The following WAC variants were observed in gnomAD, a reference collection of about 807,000 sequenced individuals.
The protein encoded by WAC is WW domain-containing adapter protein with coiled-coil.
WAC carries 11 observed loss-of-function variants against 79.6 expected under a neutral mutation model. That is an observed-to-expected ratio of 0.14 (90% confidence interval 0.09 to 0.23). The LOEUF (loss-of-function observed/expected upper bound fraction) is 0.23, where lower values mean the gene tolerates loss of function less well. WAC is among the 10% of genes least tolerant of loss of function. The pLI, the probability that WAC is intolerant of heterozygous loss-of-function variation, is 1.00. For missense variants in WAC, 728 were observed against 773.5 expected (o/e 0.94, Z 0.70); for synonymous variants, 304 against 276.9 (o/e 1.10, Z -0.97).
Position 28,617,743 on chromosome 10 carries a change from A to G in WAC, c.1833A>G (p.Leu611=). 1 of 1,597,526 alleles carries G rather than the reference A, an allele frequency of 6.3e-7. No homozygotes were observed. Among genetic ancestry groups the G allele is most frequent in the Non-Finnish European group, 8.5e-7 (1 of 1,175,074 alleles). ...CTGAATTAAAAAATTTAAGATCTTT[A>G]GTCCGAGTATGTGAAATTCAAGCAA... ...ICTELKNLRS[L]VRVCEIQATL... The change falls in exon 13 of 14, where the codon TTA becomes TTG. Residue 611 remains leucine, a synonymous_variant. Coordinates refer to ENST00000354911, the MANE Select transcript of WAC (RefSeq NM_016628.5).
intron 3 of WAC, among the ~76,000 whole-genome samples, chr10:28,548,531 C>A (rs945607361): frequency 6.6e-6 from 1 of 152,120 alleles, no homozygotes; most frequent in East Asian, 1.9e-4. Flanking sequence ...TCCACCTATT[C>A]CAAGTTTTAT....
At chr10:28,543,826 ATAAT>A (rs1421517518) in intron 3 of WAC, among the ~76,000 whole-genome samples, 1 of 152,184 alleles carries the variant, frequency 6.6e-6, no homozygotes, top group African/African-American at 2.4e-5. Flanking sequence ...ATGCCATAAA[ATAAT>A]TAGTATTCTG....
intron 8 of WAC, among the ~76,000 whole-genome samples, chr10:28,609,178 A>G (rs995105220): frequency 2.6e-5 from 4 of 152,230 alleles, no homozygotes; most frequent in African/African-American, 7.2e-5. Context: ...CCTGACCAAG[A>G]TGGTGAAACG....
intron 11 of WAC, 126 bp from the exon 12 acceptor site, chr10:28,616,042 TTAAAA>T: frequency 1.4e-6 from 1 of 730,598 alleles, no homozygotes; most frequent in East Asian, 2.9e-5. Context: ...TTATTTGACA[TTAAAA>T]TAACAAATTT....
intron 11 of WAC, 72 bp downstream of exon 11, chr10:28,614,757 T>A (rs904680880): frequency 8.1e-7 from 1 of 1,235,482 alleles, no homozygotes; most frequent in South Asian, 1.3e-5. Flanking sequence ...TTGAATATTA[T>A]ATCTGTAAAA....
chr10:28,606,957 T>C (rs1358981207), intron 7 of WAC, among the ~76,000 whole-genome samples: 3 of 152,166 alleles, frequency 2.0e-5, no homozygotes, highest in Non-Finnish European at 4.4e-5. Context: ...GACTTTAAAA[T>C]TTTTGCATTA....
rs1312258270 is a variant in WAC at position 28,596,340 on chromosome 10, GT to G, written c.919+304del. Reference sequence around the variant, plus strand: ...CAAGTAACTGTCTCTTCAATTTTCTGTTTTTGTGATCATTGTCTTGACAGTT... The same window carrying G: ...CAAGTAACTGTCTCTTCAATTTTCTGTTTTGTGATCATTGTCTTGACAGTT... On this transcript the variant is annotated intron_variant, in intron 7 of 13. Transcript: ENST00000354911. Among the ~76,000 whole-genome samples the G allele has an allele frequency of 4.6e-5, 7 of 152,200 alleles. No homozygotes were observed. In the South Asian group the frequency reaches 6.2e-4, roughly 14 times the overall value.
rs1157009751 is a variant in WAC at position 28,603,961 on chromosome 10, G to GTGTATA, written c.920-4224_920-4223insGTATAT. 4.8e-4 allele frequency among the ~76,000 whole-genome samples: 10 copies of GTGTATA among 20,906 alleles called. 1 individual carries two copies. Among genetic ancestry groups the GTGTATA allele is most frequent in the African/African-American group, 4.2e-3 (10 of 2,358 alleles). The allele number at this position is 20,906 out of a possible 152,430, so 13.7% of individuals were successfully genotyped here. Reference sequence around the variant, plus strand: ...AAAAAAAATATATATATGTATGTATGTATATATATATATATATATATATAT... The same window carrying GTGTATA: ...AAAAAAAATATATATATGTATGTATGTGTATATATATATATATATATATATATATAT... On this transcript the variant is annotated intron_variant, in intron 7 of 13. Transcript: ENST00000354911.
Position 28,533,537 on chromosome 10 carries a change from C to A in WAC, c.-43C>A. The A allele has an allele frequency of 7.8e-7, 1 of 1,281,736 alleles. No individual in the cohort carries two copies. Among genetic ancestry groups the A allele is most frequent in the South Asian group, 2.0e-5 (1 of 50,466 alleles). The allele number at this position is 1,281,736 out of a possible 1,614,324, so 79.4% of individuals were successfully genotyped here. On this transcript the variant is annotated 5_prime_UTR_variant, in exon 1 of 14. Transcript: ENST00000354911. ...TGCGCGCCCGCCCGCCTTTCGCGGC[C>A]GCTCTCCCCCCTCCCCGACACACAC...
In WAC at chr10:28,595,934, A is replaced by T. The variant is rs1258115998; in HGVS notation, c.812A>T (p.Gln271Leu). ...STVPSSPFTL[Q>L]SDHQPKKSFD... ...GTTCCTTCTAGTCCATTTACGCTAC[A>T]GTCTGATCACCAGCCAAAGAAATCA... Residue 271 changes from glutamine (Q) to leucine (L), a missense_variant, in exon 7 of 14, where the codon CAG (glutamine) becomes CTG (leucine). Transcript: ENST00000354911. The T allele has an allele frequency of 6.2e-7, 1 of 1,614,058 alleles. No individual in the cohort carries two copies. The highest frequency in any genetic ancestry group is 8.5e-7 in the Non-Finnish European group (1 of 1,180,012).
intron 3 of WAC, among the ~76,000 whole-genome samples, chr10:28,536,979 G>C (rs1171372226): frequency 2.0e-5 from 3 of 152,136 alleles, no homozygotes; most frequent in African/African-American, 4.8e-5. Context: ...AAAATACCTT[G>C]CATCTTGCCC....
intron 7 of WAC, among the ~76,000 whole-genome samples, chr10:28,606,055 GTT>G (rs35927464): frequency 5.0e-4 from 73 of 145,578 alleles, no homozygotes; most frequent in East Asian, 1.0e-3. Flanking sequence ...CAGTTTTTTG[GTT>G]TTTTTTTTTT....
intron 3 of WAC, among the ~76,000 whole-genome samples, chr10:28,559,355 A>G (rs993736420): frequency 1.1e-4 from 16 of 152,202 alleles, no homozygotes; most frequent in African/African-American, 3.6e-4. Context: ...GGCAGAGAAC[A>G]GTAAATGTCC....
intron 3 of WAC, among the ~76,000 whole-genome samples, chr10:28,579,012 C>G (rs1839392823): frequency 6.6e-6 from 1 of 152,114 alleles, no homozygotes; most frequent in Admixed American, 6.5e-5. Context: ...CTGCTCTTCT[C>G]CCTAAACCAA....
intron 3 of WAC, among the ~76,000 whole-genome samples, chr10:28,542,815 G>C (rs547650534): frequency 6.6e-6 from 1 of 152,306 alleles, no homozygotes; most frequent in East Asian, 1.9e-4. Context: ...GCTGGTTTCT[G>C]ATAGATCAGT....
intron 3 of WAC, among the ~76,000 whole-genome samples, chr10:28,555,298 A>G (rs954555285): frequency 6.6e-5 from 10 of 152,070 alleles, no homozygotes; most frequent in Admixed American, 2.0e-4. Context: ...CTCCAACCTT[A>G]TATCTCTGAG....
In WAC at chr10:28,621,799, T is replaced by C. The variant is rs1324464422; in HGVS notation, c.*2193T>C. ...TGGTCTGTGTACCTATGTTTTGTTT[T>C]TCAAAAAAGTTTACATCCCTAAATG... On this transcript the variant is annotated 3_prime_UTR_variant, in exon 14 of 14. Transcript: ENST00000354911. 6.6e-6 allele frequency: 1 copy of C among 152,224 alleles called. No homozygotes were observed. The highest frequency in any genetic ancestry group is 1.9e-4 in the East Asian group (1 of 5,202). The allele number at this position is 152,224 out of a possible 1,614,324, so 9.4% of individuals were successfully genotyped here.
chr10:28,593,635 G>A (rs1370526005), intron 6 of WAC, among the ~76,000 whole-genome samples: 1 of 151,668 alleles, frequency 6.6e-6, no homozygotes, highest in Non-Finnish European at 1.5e-5. Flanking sequence ...GGGCGTGGTG[G>A]TGCGCGCCTG....
Position 28,619,631 on chromosome 10 carries a change from T to C in WAC, c.*25T>C. The C allele has an allele frequency of 6.4e-7, 1 of 1,556,696 alleles. No homozygotes were observed. The highest frequency in any genetic ancestry group is 8.6e-7 in the Non-Finnish European group (1 of 1,158,534). On this transcript the variant is annotated 3_prime_UTR_variant, in exon 14 of 14. Transcript: ENST00000354911. ...AAGATGTGAATAATTGCACATGGTT[T>C]TGAGAACAGGAACTGTAAATCTGTT...
Sources: allele counts gnomAD v4.1 joint callset (sites outside exome capture counted in the v4.1 genomes callset), GRCh38; gene constraint gnomAD v4.1.1; transcripts MANE v1.5; gene names NCBI Gene and HGNC (gene_info 2026-07-23, HGNC 2026-07-21).